VGLL4: variants seen among roughly 807,000 people sequenced by gnomAD.
VGLL4 encodes vestigial like family member 4.
A neutral mutation model predicts 21.0 loss-of-function variants in VGLL4; 7 were observed. The ratio of observed to expected loss-of-function variants is 0.33; its 90% CI spans 0.19 to 0.63. The LOEUF (loss-of-function observed/expected upper bound fraction) is 0.63. Ranked by LOEUF, VGLL4 falls within the 20% of genes least tolerant of loss-of-function variation. VGLL4 has a pLI of 0.78. For synonymous variants in VGLL4, 222 were observed against 173.2 expected (o/e 1.28, Z -2.21); for missense variants, 394 against 425.7 (o/e 0.93, Z 0.66).
chr3:11,615,463 C>T (rs1447787656), intron 1 of VGLL4, among the ~76,000 whole-genome samples: 1 of 152,214 alleles, frequency 6.6e-6, no homozygotes, highest in Non-Finnish European at 1.5e-5. Flanking sequence ...ATACTGTGTG[C>T]TCCCACCGCA....
intron 1 of VGLL4, among the ~76,000 whole-genome samples, chr3:11,602,642 ATATAACT>A (rs1171214323): frequency 6.6e-6 from 1 of 152,220 alleles, no homozygotes; most frequent in African/African-American, 2.4e-5. Context: ...AAGCTTCGGC[ATATAACT>A]TATCGCAAGC....
At chr3:11,636,286 A>G (rs1170947001) in intron 1 of VGLL4, among the ~76,000 whole-genome samples, 2 of 152,242 alleles carry the variant, frequency 1.3e-5, no homozygotes, top group Non-Finnish European at 2.9e-5. Context: ...ATCTGCATCA[A>G]ACCATTAGAG....
intron 1 of VGLL4, among the ~76,000 whole-genome samples, chr3:11,628,662 TACAA>T (rs1359815870): frequency 1.3e-5 from 2 of 151,930 alleles, no homozygotes; most frequent in African/African-American, 4.8e-5. Context: ...CTACTAAAAA[TACAA>T]ACATTTAGCC....
At chr3:11,642,034 A>AAAC (rs796100962) in intron 1 of VGLL4, among the ~76,000 whole-genome samples, 1 of 151,864 alleles carries the variant, frequency 6.6e-6, no homozygotes, top group African/African-American at 2.4e-5. Context: ...AAAAAAAAAA[A>AAAC]AACAAGAAAA....
In VGLL4 at chr3:11,707,327, CAAAAAAAAA is replaced by C. The variant is rs34222383; in HGVS notation, c.-13-4289_-13-4281del. On this transcript the variant is annotated intron_variant, in intron 1 of 5. Coordinates refer to the VGLL4 transcript ENST00000273038. ...TGGGCAACAGAGCCAGACCCTGCCT[CAAAAAAAAA>C]AAAAAAAAAAAAAAAAGACGAAGAA... Among the ~76,000 whole-genome samples the C allele has an allele frequency of 1.6e-4, 7 of 43,060 alleles. No individual in the cohort carries two copies. In the East Asian group the frequency reaches 5.4e-3, roughly 33 times the overall value. The allele number at this position is 43,060 out of a possible 152,430, so 28.2% of individuals were successfully genotyped here.
intron 2 of VGLL4, among the ~76,000 whole-genome samples, chr3:11,578,252 A>C (rs2074112386): frequency 6.6e-6 from 1 of 152,104 alleles, no homozygotes; most frequent in African/African-American, 2.4e-5. Flanking sequence ...TTTTCTTCCC[A>C]TTATTTCAGC....
chr3:11,693,891 A>AT (rs2076567922), intron 2 of VGLL4, among the ~76,000 whole-genome samples: 1 of 151,996 alleles, frequency 6.6e-6, no homozygotes, highest in Admixed American at 6.6e-5. Context: ...GAGGAGTTTT[A>AT]TTTTGTTTTT....
intron 2 of VGLL4, among the ~76,000 whole-genome samples, chr3:11,584,576 G>A (rs1233265721): frequency 6.6e-6 from 1 of 152,150 alleles, no homozygotes; most frequent in Non-Finnish European, 1.5e-5. Flanking sequence ...TTCTATAAAA[G>A]TGGGAATATA....
chr3:11,562,734 G>A (rs1460677880), intron 3 of VGLL4, among the ~76,000 whole-genome samples: 2 of 152,252 alleles, frequency 1.3e-5, no homozygotes, highest in Non-Finnish European at 1.5e-5. Context: ...AGGAGGGCAG[G>A]ACTGACCAAC....
At chr3:11,671,178 T>C (rs1179892051) in intron 2 of VGLL4, 1 of 1,438,954 alleles carries the variant, frequency 6.9e-7, no homozygotes, top group African/African-American at 1.4e-5. Context: ...CACACTTTTC[T>C]TTGCAATACT....
chr3:11,624,975 A>G (rs547548288), intron 1 of VGLL4, among the ~76,000 whole-genome samples: 12 of 152,320 alleles, frequency 7.9e-5, no homozygotes, highest in African/African-American at 2.4e-4. Context: ...GCCCAGCATA[A>G]CTGACAATGC....
At chr3:11,715,233 C>A (rs1243475616) in intron 1 of VGLL4, among the ~76,000 whole-genome samples, 1 of 152,040 alleles carries the variant, frequency 6.6e-6, no homozygotes, top group Non-Finnish European at 1.5e-5. Flanking sequence ...AAAATAAAAT[C>A]TCAGCCCTCA....
At chr3:11,563,978 C>T (rs1032354414) in intron 3 of VGLL4, among the ~76,000 whole-genome samples, 1 of 152,194 alleles carries the variant, frequency 6.6e-6, no homozygotes, top group African/African-American at 2.4e-5. Flanking sequence ...CACAGGGACA[C>T]AGAGGCTCTT....
At chr3:11,702,455 C>CAAAA (rs56189603) in intron 2 of VGLL4, among the ~76,000 whole-genome samples, 1 of 96,166 alleles carries the variant, frequency 1.0e-5, no homozygotes, top group Non-Finnish European at 2.0e-5. Context: ...ACTAAAAATA[C>CAAAA]AAAAAAAAAA....
At chr3:11,578,046 C>T (rs2074105778) in intron 2 of VGLL4, among the ~76,000 whole-genome samples, 1 of 152,214 alleles carries the variant, frequency 6.6e-6, no homozygotes, top group Admixed American at 6.5e-5. Flanking sequence ...CAAGGACTCA[C>T]TCCCTTCCAT....
intron 2 of VGLL4, chr3:11,671,177 C>A (rs2076209912): frequency 2.8e-6 from 4 of 1,421,736 alleles, no homozygotes; most frequent in Non-Finnish European, 3.8e-6. Flanking sequence ...CCACACTTTT[C>A]TTTGCAATAC....
chr3:11,689,696 C>G (rs2076499316), intron 2 of VGLL4, among the ~76,000 whole-genome samples: 1 of 152,186 alleles, frequency 6.6e-6, no homozygotes, highest in South Asian at 2.1e-4. Flanking sequence ...CTGGGCCAAT[C>G]AACAAGGGAA....
intron 1 of VGLL4, among the ~76,000 whole-genome samples, chr3:11,716,226 C>T (rs546633070): frequency 3.3e-5 from 5 of 149,574 alleles, no homozygotes; most frequent in African/African-American, 7.4e-5. Flanking sequence ...CACTTGAAAC[C>T]GGAAGGTGGA....
At chr3:11,599,829 T>A (rs1032764159) in intron 2 of VGLL4, among the ~76,000 whole-genome samples, 3 of 151,376 alleles carry the variant, frequency 2.0e-5, no homozygotes, top group African/African-American at 7.3e-5. Context: ...GCCACAAAAT[T>A]ATTTTCTGAA....
Sources: allele counts gnomAD v4.1 joint callset (sites outside exome capture counted in the v4.1 genomes callset), GRCh38; gene constraint gnomAD v4.1.1; transcripts MANE v1.5; gene names NCBI Gene and HGNC (gene_info 2026-07-23, HGNC 2026-07-21).